Variants in TIAM1 observed in about 807,000 individuals in gnomAD.
TIAM1 encodes TIAM Rac1 associated GEF 1.
A neutral mutation model predicts 163.5 loss-of-function variants in TIAM1; 65 were observed. That is an observed-to-expected ratio of 0.40 (90% CI 0.33 to 0.49). The LOEUF is 0.49. Ranked by LOEUF, TIAM1 falls within the 20% of genes least tolerant of loss-of-function variation. The probability of loss-of-function intolerance (pLI) is 0.77; values close to 1 mark genes in which losing one functional copy is unlikely to be tolerated. For missense variants in TIAM1, 1,789 were observed against 2,044.7 expected (o/e 0.87, Z 2.41); for synonymous variants, 833 against 810.1 (o/e 1.03, Z -0.48).
At chr21:31,300,491 C>T (rs2074455601) in intron 2 of TIAM1, among the ~76,000 whole-genome samples, 1 of 152,130 alleles carries the variant, frequency 6.6e-6, no homozygotes, top group South Asian at 2.1e-4. Context: ...TCTTTCATGG[C>T]CAGAGGAAGG....
chr21:31,508,387 CTTTTT>C (rs200164021), intron 1 of TIAM1, among the ~76,000 whole-genome samples: 1 of 126,548 alleles, frequency 7.9e-6, no homozygotes, highest in Non-Finnish European at 1.7e-5. Flanking sequence ...ATTGAAATTT[CTTTTT>C]TTTTTTTTTT....
chr21:31,424,836 A>C (rs2043726279), intron 2 of TIAM1, among the ~76,000 whole-genome samples: 1 of 152,176 alleles, frequency 6.6e-6, no homozygotes, highest in African/African-American at 2.4e-5. Context: ...GGATCACTTG[A>C]GGTCAGGAGT....
At chr21:31,155,252 G>C (rs1475294557) in intron 16 of TIAM1, among the ~76,000 whole-genome samples, 1 of 152,226 alleles carries the variant, frequency 6.6e-6, no homozygotes, top group Non-Finnish European at 1.5e-5. Flanking sequence ...AGCAAGGGCT[G>C]CTGTAAAAAC....
chr21:31,429,443 GA>G (rs113453875), intron 2 of TIAM1, among the ~76,000 whole-genome samples: 5,967 of 151,756 alleles, frequency 0.039, 387 homozygotes, highest in African/African-American at 0.13. Context: ...GTTGCACATG[GA>G]AAAAAAAGAC....
chr21:31,387,934 C>T (rs11909747), intron 2 of TIAM1, among the ~76,000 whole-genome samples: 14,460 of 151,982 alleles, frequency 0.095, 739 homozygotes, highest in Middle Eastern at 0.13. Context: ...TGCCCGAGCA[C>T]GACTTCTGTG....
intron 11 of TIAM1, among the ~76,000 whole-genome samples, chr21:31,208,571 GA>G (rs2146543806): frequency 6.6e-6 from 1 of 152,332 alleles, no homozygotes; most frequent in South Asian, 2.1e-4. Flanking sequence ...CCTCGTACAT[GA>G]AGGATTCAAA....
intron 2 of TIAM1, chr21:31,453,179 C>T (rs1038911107): frequency 8.8e-5 from 23 of 262,342 alleles, no homozygotes; most frequent in Non-Finnish European, 1.6e-4. Context: ...GGTGTTACGG[C>T]GGTGGAAAAA....
At chr21:31,260,170 T>A (rs2072376553) in intron 4 of TIAM1, among the ~76,000 whole-genome samples, 1 of 147,494 alleles carries the variant, frequency 6.8e-6, no homozygotes, top group African/African-American at 2.5e-5. Flanking sequence ...AAAAATATAT[T>A]TTTAATATAA....
intron 3 of TIAM1, among the ~76,000 whole-genome samples, chr21:31,267,952 C>T (rs970469897): frequency 2.0e-5 from 3 of 152,148 alleles, no homozygotes; most frequent in Non-Finnish European, 2.9e-5. Context: ...CTCACTGACC[C>T]GATGACACAA....
At chr21:31,468,575 GAC>G (rs1437424992) in intron 1 of TIAM1, among the ~76,000 whole-genome samples, 1 of 151,924 alleles carries the variant, frequency 6.6e-6, no homozygotes, top group African/African-American at 2.4e-5. Flanking sequence ...AGGAGGTGGA[GAC>G]CATCCTAGCT....
chr21:31,286,719 TTG>T (rs148038222), intron 2 of TIAM1, among the ~76,000 whole-genome samples: 2 of 151,730 alleles, frequency 1.3e-5, no homozygotes, highest in East Asian at 3.9e-4. Context: ...TCTCAACAAA[TTG>T]TGTGTGTGTG....
chr21:31,386,135 C>T (rs2076867230), intron 2 of TIAM1, among the ~76,000 whole-genome samples: 1 of 152,096 alleles, frequency 6.6e-6, no homozygotes, highest in African/African-American at 2.4e-5. Context: ...GGGCATCCCT[C>T]TCCTGCCAGC....
chr21:31,126,550 G>C (rs1477339046), intron 26 of TIAM1, among the ~76,000 whole-genome samples: 1 of 152,054 alleles, frequency 6.6e-6, no homozygotes, highest in Admixed American at 6.5e-5. Flanking sequence ...CTGGGCGACA[G>C]AGCAAGGCTC....
At chr21:31,292,573 T>C (rs549430367) in intron 2 of TIAM1, among the ~76,000 whole-genome samples, 1 of 152,138 alleles carries the variant, frequency 6.6e-6, no homozygotes, top group East Asian at 1.9e-4. Context: ...TTTCACTATG[T>C]TGGCTAGGCT....
chr21:31,305,309 A>G (rs2074660127), intron 2 of TIAM1, among the ~76,000 whole-genome samples: 3 of 152,152 alleles, frequency 2.0e-5, no homozygotes, highest in Admixed American at 6.5e-5. Flanking sequence ...GATGATACCG[A>G]ATAAGCGATT....
rs1442749717 is a variant in TIAM1 at position 31,378,716 on chromosome 21, G to A, written c.-368-39294C>T. ...AGAGAGTTGGTCTTCGGTATCCGTA[G>A]GTTCTGCACCCCTGGGTTCCACCAA... On this transcript the variant is annotated intron_variant, in intron 2 of 28. Coordinates refer to the TIAM1 transcript ENST00000286827. 5.9e-5 allele frequency among the ~76,000 whole-genome samples: 9 copies of A among 152,198 alleles called. No individual in the cohort carries two copies. The East Asian group carries it at 1.7e-3, about 29-fold the overall frequency.
rs1030717927 is a variant in TIAM1 at position 31,395,215 on chromosome 21, G to A, written c.-368-55793C>T. Among the ~76,000 whole-genome samples the A allele has an allele frequency of 4.1e-4, 61 of 150,570 alleles. No individual in the cohort carries two copies. Among genetic ancestry groups the A allele is most frequent in the African/African-American group, 1.4e-3 (59 of 41,168 alleles). On this transcript the variant is annotated intron_variant, in intron 2 of 28. Coordinates refer to the TIAM1 transcript ENST00000286827. This position sits in a 1 kb window ranked among gnomAD's most constrained non-coding sequence, Gnocchi z 7.5. Reference sequence around the variant, plus strand: ...ATCGCGCCACCACACTCCAGCCTGGGCAACAGAGTGAGACTCTGTCTCAAA... The same window carrying A: ...ATCGCGCCACCACACTCCAGCCTGGACAACAGAGTGAGACTCTGTCTCAAA...
At chr21:31,283,643 C>T (rs975844392) in intron 2 of TIAM1, among the ~76,000 whole-genome samples, 4 of 152,068 alleles carry the variant, frequency 2.6e-5, no homozygotes, top group African/African-American at 9.7e-5. Context: ...CTCCGGGATT[C>T]AAGCAATTCT....
chr21:31,213,450 G>C lies in TIAM1; in HGVS notation c.2165C>G (p.Ala722Gly), dbSNP rs775340259. The C allele has an allele frequency of 3.1e-6, 5 of 1,613,774 alleles. No individual in the cohort carries two copies. The highest frequency in any genetic ancestry group is 4.2e-6 in the Non-Finnish European group (5 of 1,179,970). The change falls in exon 10 of 28, where the codon GCT becomes GGT. Residue 722 changes from alanine to glycine, a missense_variant. Transcript: ENST00000541036. ...INQVFGEGTE[A>G]VKKSLEGIFD... ...TATTCCCTCTAAAGATTTCTTTACA[G>C]CTTCGGTTCCCTCTCCAAACACCTG... is the stretch of plus-strand genomic sequence containing the variant.
Sources: allele counts gnomAD v4.1 joint callset (sites outside exome capture counted in the v4.1 genomes callset), GRCh38; gene constraint gnomAD v4.1.1; non-coding constraint Gnocchi (gnomAD v3.1); transcripts MANE v1.5; gene names NCBI Gene and HGNC (gene_info 2026-07-23, HGNC 2026-07-21).